Variants in DHX29 observed in about 807,000 individuals in gnomAD.
DHX29 encodes the protein DExH-box helicase 29.
A neutral mutation model predicts 167.9 loss-of-function variants in DHX29; 79 were observed. That is an observed-to-expected ratio of 0.47 (90% CI 0.39 to 0.57). The LOEUF (loss-of-function observed/expected upper bound fraction) is 0.57. Ranked by LOEUF, DHX29 falls within the 20% of genes least tolerant of loss-of-function variation. The pLI, the probability that DHX29 is intolerant of heterozygous loss-of-function variation, is 0.00. For missense variants in DHX29, 1,347 were observed against 1,593.4 expected (o/e 0.85, Z 2.63); for synonymous variants, 530 against 546.0 (o/e 0.97, Z 0.41).
At chr5:55,265,177 G>T (rs898757009) in intron 23 of DHX29, among the ~76,000 whole-genome samples, 13 of 148,748 alleles carry the variant, frequency 8.7e-5, no homozygotes, top group African/African-American at 3.0e-4. Flanking sequence ...GGACATAGAA[G>T]AATATGTTAA....
intron 26 of DHX29, among the ~76,000 whole-genome samples, chr5:55,257,755 T>C (rs924327297): frequency 6.6e-6 from 1 of 152,212 alleles, no homozygotes; most frequent in Admixed American, 6.5e-5. Flanking sequence ...ACGTATATAC[T>C]ACACCCAACT....
At chr5:55,258,049 TAGAA>T (rs1746137040) in intron 26 of DHX29, among the ~76,000 whole-genome samples, 1 of 152,204 alleles carries the variant, frequency 6.6e-6, no homozygotes, top group African/African-American at 2.4e-5. Flanking sequence ...TTCAGGGTAG[TAGAA>T]CTAGATCAGT....
At chr5:55,303,972 G>A (rs1199808478) in intron 1 of DHX29, among the ~76,000 whole-genome samples, 1 of 152,022 alleles carries the variant, frequency 6.6e-6, no homozygotes, top group African/African-American at 2.4e-5. Flanking sequence ...GCCTCAACTA[G>A]GTTCAAGGAT....
At chr5:55,264,985 G>A (rs1649262396) in intron 23 of DHX29, among the ~76,000 whole-genome samples, 1 of 151,932 alleles carries the variant, frequency 6.6e-6, no homozygotes, top group African/African-American at 2.4e-5. Context: ...GCTGCTAAAA[G>A]CATTGCATGA....
chr5:55,280,410 G>A (rs1362683467), intron 12 of DHX29, among the ~76,000 whole-genome samples: 1 of 152,054 alleles, frequency 6.6e-6, no homozygotes, highest in East Asian at 1.9e-4. Flanking sequence ...TTACCTAACA[G>A]TAAGAATTTC....
intron 1 of DHX29, among the ~76,000 whole-genome samples, chr5:55,300,413 C>T (rs1453416672): frequency 6.6e-6 from 1 of 152,114 alleles, no homozygotes; most frequent in East Asian, 1.9e-4. Context: ...GTGGCTCATG[C>T]CTGTAATCCC....
chr5:55,288,014 G>A (rs1469248842), intron 8 of DHX29, among the ~76,000 whole-genome samples: 2 of 151,478 alleles, frequency 1.3e-5, no homozygotes, highest in African/African-American at 4.8e-5. Flanking sequence ...AGGCCAAGGT[G>A]GGCAGATCAC....
chr5:55,281,078 C>T (rs1747380150), intron 12 of DHX29, among the ~76,000 whole-genome samples: 1 of 147,014 alleles, frequency 6.8e-6, no homozygotes, highest in Admixed American at 6.7e-5. Flanking sequence ...CACACACACA[C>T]ACGCTATATA....
Position 55,289,384 on chromosome 5 carries a change from T to C in DHX29, c.952A>G (p.Lys318Glu), listed in dbSNP as rs555661925. 3.1e-6 allele frequency: 5 copies of C among 1,599,922 alleles called. No homozygotes were observed. Among genetic ancestry groups the C allele is most frequent in the Middle Eastern group, 1.7e-4 (1 of 5,928 alleles). ...CTTTCATTTTGTTGATGTGAAATCT[T>C]CATGGCTGGGTTAAATACTGGATGG... Reference protein sequence around the residue: ...EDHPVFNPAMKISHQQNERKK... With the variant: ...EDHPVFNPAMEISHQQNERKK... Residue 318 changes from lysine (K) to glutamate (E), a missense_variant, in exon 8 of 27, where the codon AAG becomes GAG. Transcript: ENST00000251636.
chr5:55,276,291 T>C lies in DHX29; in HGVS notation c.2402A>G (p.Lys801Arg), dbSNP rs1463483479. Residue 801 changes from lysine (K) to arginine (R), a missense_variant, in exon 14 of 27, where the codon AAA becomes AGA. Physicochemically the swap from Lys to Arg is conservative, Grantham distance 26. This residue lies in a region of DHX29 where 882 missense variants were observed against 1,082.4 expected (regional missense o/e 0.81). Coordinates refer to ENST00000251636, the MANE Select transcript of DHX29 (RefSeq NM_019030.4). The part of the protein sequence containing the change: ...EEEVTINVTS[K>R]AGGIKKYQEY... ...CTGATATTTTTTTATTCCCCCTGCT[T>C]TGCTTGTAACATTAATGGTTACTTC... 5.0e-6 allele frequency: 8 copies of C among 1,587,288 alleles called. No homozygotes were observed. In the Admixed American group the frequency reaches 5.9e-5, roughly 12 times the overall value.
intron 6 of DHX29, 46 bp downstream of exon 6, chr5:55,293,971 T>C: frequency 6.3e-7 from 1 of 1,574,864 alleles, no homozygotes; most frequent in Non-Finnish European, 8.6e-7. Context: ...AAATATATCT[T>C]GCTTAAGAGC....
chr5:55,307,679 T>A lies in DHX29; in HGVS notation c.-106A>T. The A allele has an allele frequency of 6.9e-7, 1 of 1,443,894 alleles. No individual in the cohort carries two copies. The highest frequency in any genetic ancestry group is 1.2e-5 in the South Asian group (1 of 82,334). 89.4% of individuals were successfully genotyped at this position (1,443,894 alleles called of 1,614,324 possible). ...GGCTCCGGGGCTGCCACCCTGCGCT[T>A]CGATCCGGGCTTCTCGGGCCGGGGC... On this transcript the variant is annotated 5_prime_UTR_variant, in exon 1 of 27. Transcript: ENST00000251636.
At chr5:55,270,060 T>A (rs1177447904) in intron 20 of DHX29, among the ~76,000 whole-genome samples, 1 of 152,048 alleles carries the variant, frequency 6.6e-6, no homozygotes, top group African/African-American at 2.4e-5. Flanking sequence ...TGTCAGATGT[T>A]TAGGAGTATC....
intron 26 of DHX29, among the ~76,000 whole-genome samples, chr5:55,258,324 C>G (rs1013803720): frequency 6.6e-6 from 1 of 152,132 alleles, no homozygotes; most frequent in Non-Finnish European, 1.5e-5. Flanking sequence ...ATGTAACTAA[C>G]CAAATCCTAA....
In DHX29 at chr5:55,307,524, C is replaced by A. The variant is rs538443271; in HGVS notation, c.50G>T (p.Arg17Leu). 6.2e-7 allele frequency: 1 copy of A among 1,613,520 alleles called. No individual in the cohort carries two copies. The highest frequency in any genetic ancestry group is 1.3e-5 in the African/African-American group (1 of 75,064). ...KHKAPAAAVV[R>L]AAVSASRAKS... ...GGCTCTGGAAGCAGACACGGCGGCCCGGACCACCGCGGCCGCTGGAGCCTT... is the reference window on the plus strand; with the variant it reads ...GGCTCTGGAAGCAGACACGGCGGCCAGGACCACCGCGGCCGCTGGAGCCTT... Residue 17 changes from arginine to leucine, a missense_variant, in exon 1 of 27, where the codon CGG becomes CTG. Coordinates refer to ENST00000251636, the MANE Select transcript of DHX29 (RefSeq NM_019030.4).
intron 11 of DHX29, among the ~76,000 whole-genome samples, chr5:55,282,775 A>G (rs1244352383): frequency 6.6e-6 from 1 of 152,310 alleles, no homozygotes; most frequent in East Asian, 1.9e-4. Context: ...GGAAAATACT[A>G]ACATTTTAAT....
chr5:55,275,012 T>A lies in DHX29; in HGVS notation c.2428-2A>T, dbSNP rs1561146040. On this transcript the variant is annotated splice_acceptor_variant, in intron 14 of 26. Transcript: ENST00000251636. LOFTEE classifies it high-confidence loss of function. ...TCCAGTCTGAACTGGGATGTATTCC[T>A]AAAAGAAATCCAACCAGAGGGAGGT... 9 of 1,608,266 alleles carry A rather than the reference T, an allele frequency of 5.6e-6. No homozygotes were observed. The highest frequency in any genetic ancestry group is 7.6e-6 in the Non-Finnish European group (9 of 1,178,796).
intron 6 of DHX29, among the ~76,000 whole-genome samples, chr5:55,291,541 T>A (rs1748045565): frequency 6.6e-6 from 1 of 152,202 alleles, no homozygotes; most frequent in Non-Finnish European, 1.5e-5. Flanking sequence ...AAATTTGTCA[T>A]CTTAACCATT....
At chr5:55,285,472 A>C in intron 9 of DHX29, 56 bp from the exon 10 acceptor site, 1 of 1,514,108 alleles carries the variant, frequency 6.6e-7, no homozygotes, top group Non-Finnish European at 8.9e-7. Context: ...CAGATAAAAA[A>C]AACTCAGAAT....
Sources: gnomAD v4.1 joint callset for allele counts (sites outside exome capture counted in the v4.1 genomes callset) on GRCh38, gnomAD v4.1.1 for gene constraint, gnomAD v4.1.1 regional missense constraint, MANE v1.5 for transcripts, NCBI Gene and HGNC (gene_info 2026-07-23, HGNC 2026-07-21) for gene names.